Variants in TBC1D22A observed in about 807,000 individuals in gnomAD.
The protein encoded by TBC1D22A is TBC1 domain family member 22A, also known as putative GTPase activator.
Under a neutral mutation model 60.2 loss-of-function variants are expected in TBC1D22A, and 38 were observed. The observed-to-expected ratio is 0.63, with a 90% CI of 0.49 to 0.83. TBC1D22A has a LOEUF of 0.83. TBC1D22A is among the 40% of genes least tolerant of loss of function. The pLI is 0.00. For synonymous variants in TBC1D22A, 302 were observed against 281.7 expected, an observed-to-expected ratio of 1.07 and a Z score of -0.72; for missense variants, 628 against 701.0, an observed-to-expected ratio of 0.90 and a Z score of 1.18.
intron 9 of TBC1D22A, among the ~76,000 whole-genome samples, chr22:46,982,527 A>G (rs1313521205): frequency 1.3e-5 from 2 of 151,966 alleles, no homozygotes; most frequent in African/African-American, 2.4e-5. Context: ...CGGCCAAGAG[A>G]CAGTCTTTTT....
intron 4 of TBC1D22A, among the ~76,000 whole-genome samples, chr22:46,820,211 G>GT (rs145581776): frequency 0.022 from 3,299 of 152,040 alleles, 51 homozygotes; most frequent in Middle Eastern, 0.041. Context: ...TTTTTGGAGG[G>GT]TTTTTTGTGT....
At chr22:47,071,213 G>A (rs556914032) in intron 11 of TBC1D22A, among the ~76,000 whole-genome samples, 1 of 152,314 alleles carries the variant, frequency 6.6e-6, no homozygotes, top group African/African-American at 2.4e-5. Flanking sequence ...GCCCACATGC[G>A]CCTATCACTG....
At chr22:46,784,999 A>G (rs987352298) in intron 1 of TBC1D22A, among the ~76,000 whole-genome samples, 1 of 152,236 alleles carries the variant, frequency 6.6e-6, no homozygotes, top group African/African-American at 2.4e-5. Flanking sequence ...CCAATGTCAG[A>G]GAGACATCCA....
intron 12 of TBC1D22A, among the ~76,000 whole-genome samples, chr22:47,164,587 C>T (rs2068124998): frequency 6.6e-6 from 1 of 152,208 alleles, no homozygotes; most frequent in South Asian, 2.1e-4. Flanking sequence ...GTTCCTGGGC[C>T]TGTTTCCTAA....
chr22:46,864,137 C>T (rs1433199689), intron 4 of TBC1D22A, among the ~76,000 whole-genome samples: 2 of 152,252 alleles, frequency 1.3e-5, no homozygotes, highest in South Asian at 2.1e-4. Context: ...CCTGAAATTA[C>T]ACATACACAC....
intron 8 of TBC1D22A, among the ~76,000 whole-genome samples, chr22:46,964,956 A>G (rs971903547): frequency 7.9e-5 from 12 of 152,236 alleles, no homozygotes; most frequent in Non-Finnish European, 1.6e-4. Context: ...TGGGGTTCCC[A>G]GCTGGGATGT....
chr22:47,130,203 C>A (rs2066632362), intron 12 of TBC1D22A, among the ~76,000 whole-genome samples: 1 of 152,230 alleles, frequency 6.6e-6, no homozygotes, highest in African/African-American at 2.4e-5. Context: ...CCCTCCCTCC[C>A]CACCAGACAG....
In TBC1D22A at chr22:47,173,609, A is replaced by T; in HGVS notation, c.1537A>T (p.Asn513Tyr). The stretch of plus-strand genomic sequence containing the variant: ...CAAGTTTGCTTTTGCCGACGCCCCC[A>T]ATCACTACAAGAAATGAGCCCAGGC... ...RLKFAFADAP[N>Y]HYKK is the part of the protein sequence containing the mutation. The change falls in exon 13 of 13, where the codon AAT becomes TAT. Residue 513 changes from asparagine to tyrosine, a missense_variant. Physicochemically the swap from Asn to Tyr is moderately radical, Grantham distance 143. Transcript: ENST00000337137. The T allele has an allele frequency of 6.2e-7, 1 of 1,613,862 alleles. No homozygotes were observed. The highest frequency in any genetic ancestry group is 8.5e-7 in the Non-Finnish European group (1 of 1,179,922).
At chr22:47,020,391 T>C (rs976369288) in intron 10 of TBC1D22A, among the ~76,000 whole-genome samples, 1 of 152,192 alleles carries the variant, frequency 6.6e-6, no homozygotes, top group Non-Finnish European at 1.5e-5. Flanking sequence ...TCAACCTCGC[T>C]GTAGACTTGG....
chr22:46,946,219 T>TG (rs1466931764), intron 8 of TBC1D22A, among the ~76,000 whole-genome samples: 7 of 152,184 alleles, frequency 4.6e-5, no homozygotes, highest in African/African-American at 1.7e-4. Flanking sequence ...ATCCAGCCGG[T>TG]GTGACAGTAC....
At chr22:46,897,580 C>T (rs2068742181) in intron 7 of TBC1D22A, among the ~76,000 whole-genome samples, 1 of 151,402 alleles carries the variant, frequency 6.6e-6, no homozygotes, top group African/African-American at 2.4e-5. Context: ...AAGGCAGTAG[C>T]CTCTGGTCCT....
intron 11 of TBC1D22A, among the ~76,000 whole-genome samples, chr22:47,095,612 C>T (rs945067960): frequency 8.5e-6 from 1 of 118,050 alleles, no homozygotes; most frequent in Non-Finnish European, 1.7e-5. Flanking sequence ...GGTAAGGCAT[C>T]AGGATTTCCC....
rs575817483 is a variant in TBC1D22A at position 46,853,375 on chromosome 22, G to A, written c.638-25278G>A. ...CTCCTTCAGGATGTTCTACTCAACC[G>A]TACCGTGGAAGGATGGGCGCAGGAA... On this transcript the variant is annotated intron_variant, in intron 4 of 12. Transcript: ENST00000337137. Among the ~76,000 whole-genome samples, 41 of 152,314 alleles carry A rather than the reference G, an allele frequency of 2.7e-4. No individual in the cohort carries two copies. The East Asian group carries it at 6.0e-3, about 22-fold the overall frequency.
intron 4 of TBC1D22A, among the ~76,000 whole-genome samples, chr22:46,837,032 G>A (rs908540516): frequency 2.0e-5 from 3 of 151,158 alleles, no homozygotes; most frequent in African/African-American, 7.3e-5. Flanking sequence ...ATGGTGGCAC[G>A]TGCCTGTAGT....
At chr22:46,930,069 C>A (rs957733271) in intron 8 of TBC1D22A, among the ~76,000 whole-genome samples, 2 of 152,024 alleles carry the variant, frequency 1.3e-5, no homozygotes, top group East Asian at 3.9e-4. Flanking sequence ...TGATGTGGAA[C>A]CTGTATATTG....
At chr22:47,158,502 C>G (rs771892369) in intron 12 of TBC1D22A, among the ~76,000 whole-genome samples, 33 of 152,260 alleles carry the variant, frequency 2.2e-4, no homozygotes, top group Non-Finnish European at 3.7e-4. Context: ...CCTGGGATAC[C>G]CAGCCCCGAC....
chr22:47,100,218 A>T (rs1255059486), intron 11 of TBC1D22A, among the ~76,000 whole-genome samples: 2 of 151,896 alleles, frequency 1.3e-5, no homozygotes, highest in African/African-American at 4.8e-5. Flanking sequence ...CACAGGGGTG[A>T]GGTGTCAGGG....
At chr22:46,851,185 C>T (rs79771163) in intron 4 of TBC1D22A, among the ~76,000 whole-genome samples, 255 of 152,338 alleles carry the variant, frequency 1.7e-3, no homozygotes, top group African/African-American at 5.5e-3. Flanking sequence ...TTGGCTTTGC[C>T]GTGGGATGTC....
chr22:47,051,549 C>T (rs371163073), intron 11 of TBC1D22A, among the ~76,000 whole-genome samples: 20 of 152,228 alleles, frequency 1.3e-4, no homozygotes, highest in East Asian at 5.8e-4. Flanking sequence ...AACGCCCTTC[C>T]GGTGGAGGCC....
Sources: gnomAD v4.1 joint callset for allele counts (sites outside exome capture counted in the v4.1 genomes callset) on GRCh38, gnomAD v4.1.1 for gene constraint, MANE v1.5 for transcripts, NCBI Gene and HGNC (gene_info 2026-07-23, HGNC 2026-07-21) for gene names.